The following DSCAML1 variants were observed in gnomAD, a reference collection of about 807,000 sequenced individuals.
The protein encoded by DSCAML1 is cell adhesion molecule DSCAML1.
Under a neutral mutation model 200.5 loss-of-function variants are expected in DSCAML1, and 38 were observed. The ratio of observed to expected loss-of-function variants is 0.19; its 90% CI spans 0.15 to 0.25. DSCAML1 has a LOEUF of 0.25. Among genes scored for constraint, DSCAML1 ranks in the 10% least tolerant of loss-of-function variants. The pLI is 1.00. For synonymous variants in DSCAML1, 1,215 were observed against 1,165.0 expected (o/e 1.04, Z -0.87); for missense variants, 2,223 against 2,858.8 (o/e 0.78, Z 5.07).
chr11:117,682,062 C>A (rs767497565), intron 3 of DSCAML1, among the ~76,000 whole-genome samples: 3 of 152,144 alleles, frequency 2.0e-5, no homozygotes, highest in Non-Finnish European at 4.4e-5. Context: ...AAGACCCTAC[C>A]CCCTTTAGGA....
chr11:117,692,808 C>T (rs1169369869), intron 3 of DSCAML1, among the ~76,000 whole-genome samples: 1 of 152,192 alleles, frequency 6.6e-6, no homozygotes, highest in Non-Finnish European at 1.5e-5. Context: ...GTTGAAATGA[C>T]TCCCCTGCAT....
intron 20 of DSCAML1, among the ~76,000 whole-genome samples, chr11:117,446,572 C>T (rs985799309): frequency 2.0e-5 from 3 of 152,048 alleles, no homozygotes; most frequent in Non-Finnish European, 4.4e-5. Context: ...AAAAATATAG[C>T]CAATAAACAT....
At chr11:117,730,224 C>T (rs1591448315) in intron 3 of DSCAML1, among the ~76,000 whole-genome samples, 2 of 151,954 alleles carry the variant, frequency 1.3e-5, no homozygotes, top group African/African-American at 2.4e-5. Flanking sequence ...CAGTGGAATC[C>T]GGAATCAAAA....
chr11:117,766,849 G>C (rs577593053), intron 3 of DSCAML1, among the ~76,000 whole-genome samples: 8 of 152,132 alleles, frequency 5.3e-5, no homozygotes, highest in Non-Finnish European at 1.0e-4. Flanking sequence ...ACCAACTGGC[G>C]TGCAAGTGCA....
At chr11:117,521,926 C>A (rs1435989283) in intron 5 of DSCAML1, among the ~76,000 whole-genome samples, 2 of 152,192 alleles carry the variant, frequency 1.3e-5, no homozygotes, top group African/African-American at 4.8e-5. Flanking sequence ...CGTGGCAGCA[C>A]CTCCCTGCCT....
intron 3 of DSCAML1, among the ~76,000 whole-genome samples, chr11:117,651,712 A>C (rs938986441): frequency 1.2e-4 from 10 of 81,300 alleles, no homozygotes; most frequent in Non-Finnish European, 1.2e-4. Flanking sequence ...ACTCTGTCTC[A>C]AAAAAAAAAA....
intron 3 of DSCAML1, among the ~76,000 whole-genome samples, chr11:117,676,601 C>T (rs2053218981): frequency 6.6e-6 from 1 of 152,230 alleles, no homozygotes; most frequent in South Asian, 2.1e-4. Flanking sequence ...CCCTCAGAAG[C>T]TGTCGCACCT....
Position 117,428,498 on chromosome 11 carries a change from C to T in DSCAML1, c.5992G>A (p.Ala1998Thr), listed in dbSNP as rs769222169. 2.0e-5 allele frequency: 23 copies of T among 1,137,210 alleles called. No individual in the cohort carries two copies. The highest frequency in any genetic ancestry group is 2.0e-4 in the East Asian group (6 of 30,290). The allele number at this position is 1,137,210 out of a possible 1,614,324, so 70.4% of individuals were successfully genotyped here. A position where few individuals can be genotyped will look rare whatever the true frequency, so the allele number is the denominator to read the frequency against. The change falls in exon 33 of 33, where the codon GCC becomes ACC. Residue 1998 changes from alanine to threonine, a missense_variant. Around this residue, in one of 7 missense-constraint regions of DSCAML1, gnomAD observed 280 missense variants for 213.4 expected, o/e 1.31. Transcript: ENST00000651296. ...PGPTPAEPPT[A>T]PSAAPPAPST... ...GGGGCCGGAGGGGCAGCGCTGGGGG[C>T]GGTGGGTGGCTCAGCAGGGGTGGGG...
At chr11:117,428,924 A>G (rs1344172731) in intron 32 of DSCAML1, 121 bp from the exon 33 acceptor site, 2 of 844,386 alleles carry the variant, frequency 2.4e-6, no homozygotes, top group Non-Finnish European at 3.7e-6. Context: ...GGGCCCCTCC[A>G]CTGGGGGGCA....
At chr11:117,691,644 C>T (rs901851451) in intron 3 of DSCAML1, among the ~76,000 whole-genome samples, 9 of 152,160 alleles carry the variant, frequency 5.9e-5, no homozygotes, top group African/African-American at 1.2e-4. Context: ...GTTCCCTGCT[C>T]GGCGTTTAAT....
chr11:117,679,048 T>C (rs2053266960), intron 3 of DSCAML1, among the ~76,000 whole-genome samples: 1 of 152,236 alleles, frequency 6.6e-6, no homozygotes, highest in African/African-American at 2.4e-5. Context: ...AGCGGCCTCA[T>C]TGCCTTCCGC....
intron 27 of DSCAML1, among the ~76,000 whole-genome samples, chr11:117,434,860 T>C (rs2047879264): frequency 6.6e-6 from 1 of 152,212 alleles, no homozygotes; most frequent in Non-Finnish European, 1.5e-5. Flanking sequence ...TTGAACCATC[T>C]ATTCATCCAT....
At chr11:117,510,755 G>A (rs2049602227) in intron 8 of DSCAML1, among the ~76,000 whole-genome samples, 1 of 152,166 alleles carries the variant, frequency 6.6e-6, no homozygotes, top group African/African-American at 2.4e-5. Context: ...AGATGTCACT[G>A]AATGAATGAC....
chr11:117,526,561 C>G (rs924979616), intron 4 of DSCAML1, among the ~76,000 whole-genome samples: 74 of 152,216 alleles, frequency 4.9e-4, no homozygotes, highest in African/African-American at 1.8e-3. Flanking sequence ...CTCTGTCACC[C>G]AGGCTGGAGT....
chr11:117,814,506 G>A (rs1321072710), intron 1 of DSCAML1, among the ~76,000 whole-genome samples: 2 of 152,230 alleles, frequency 1.3e-5, no homozygotes, highest in Admixed American at 6.5e-5. Context: ...AGGGACAGGG[G>A]TGGTCCACCT....
In DSCAML1 at chr11:117,505,490, C is replaced by T. The variant is rs369846579; in HGVS notation, c.2026G>A (p.Ala676Thr). The stretch of plus-strand genomic sequence containing the variant: ...AGCTGGCGCTCCCGGCTCACGGTGG[C>T]GGCTGCGTTGCTGGCGATGCATGTA... The part of the protein sequence containing the change: ...NYTCIASNAA[A>T]TVSRERQLIV... The change falls in exon 9 of 33, where the codon GCC becomes ACC. Residue 676 changes from alanine to threonine, a missense_variant. Physicochemically the swap from Ala to Thr is moderately conservative, Grantham distance 58. This residue lies in a region of DSCAML1 where 212 missense variants were observed against 368.0 expected (regional missense o/e 0.58). Coordinates refer to ENST00000651296, the MANE Select transcript of DSCAML1 (RefSeq NM_020693.4). This position sits in a 1 kb window ranked among gnomAD's most constrained non-coding sequence, Gnocchi z 6.7. 5 of 1,612,320 alleles carry T rather than the reference C, an allele frequency of 3.1e-6. No individual in the cohort carries two copies. The highest frequency in any genetic ancestry group is 4.5e-5 in the East Asian group (2 of 44,870).
intron 3 of DSCAML1, among the ~76,000 whole-genome samples, chr11:117,596,548 G>C (rs890981248): frequency 1.7e-4 from 26 of 152,172 alleles, no homozygotes; most frequent in African/African-American, 6.0e-4. Context: ...TTTGGAAACA[G>C]ATGCAAGATG....
At chr11:117,813,392 C>T (rs988129515) in intron 1 of DSCAML1, among the ~76,000 whole-genome samples, 19 of 152,296 alleles carry the variant, frequency 1.2e-4, no homozygotes, top group Admixed American at 7.8e-4. Context: ...TCATACATGC[C>T]CTGCTCTTGT....
chr11:117,446,155 GGAGTTT>G (rs1310277998), intron 20 of DSCAML1, among the ~76,000 whole-genome samples: 1 of 152,238 alleles, frequency 6.6e-6, no homozygotes, highest in Non-Finnish European at 1.5e-5. Flanking sequence ...CCTGAGATCA[GGAGTTT>G]GAGACCAGCC....
Sources: gnomAD v4.1 joint callset for allele counts (sites outside exome capture counted in the v4.1 genomes callset) on GRCh38, gnomAD v4.1.1 for gene constraint, gnomAD v4.1.1 regional missense constraint, Gnocchi (gnomAD v3.1) non-coding constraint, MANE v1.5 for transcripts, NCBI Gene and HGNC (gene_info 2026-07-23, HGNC 2026-07-21) for gene names.